The following ZCCHC7 variants were observed in gnomAD, a reference collection of about 807,000 sequenced individuals.
ZCCHC7 encodes zinc finger CCHC domain-containing protein 7.
ZCCHC7 carries 35 observed loss-of-function variants against 52.0 expected under a neutral mutation model. The ratio of observed to expected loss-of-function variants is 0.67; its 90% confidence interval spans 0.51 to 0.89. The LOEUF is 0.89. Among genes scored for constraint, ZCCHC7 ranks in the 40% least tolerant of loss-of-function variants. ZCCHC7 has a pLI of 0.00. For missense variants in ZCCHC7, 574 were observed against 649.1 expected (o/e 0.88, Z 1.26); for synonymous variants, 217 against 221.5 (o/e 0.98, Z 0.18).
chr9:37,167,861 T>C (rs1198062227), intron 2 of ZCCHC7, among the ~76,000 whole-genome samples: 2 of 152,220 alleles, frequency 1.3e-5, no homozygotes, highest in African/African-American at 4.8e-5. Context: ...AAATAGACAC[T>C]ATTCCCATCC....
chr9:37,241,413 T>C (rs1199028433), intron 2 of ZCCHC7, among the ~76,000 whole-genome samples: 1 of 151,854 alleles, frequency 6.6e-6, no homozygotes, highest in Non-Finnish European at 1.5e-5. Flanking sequence ...CAAAGCACGA[T>C]TGGAAATGAG....
chr9:37,281,839 C>G (rs1827971938), intron 2 of ZCCHC7, among the ~76,000 whole-genome samples: 1 of 152,210 alleles, frequency 6.6e-6, no homozygotes, highest in African/African-American at 2.4e-5. Context: ...TTTGAGAACT[C>G]TATCATAAAA....
At chr9:37,297,831 C>G (rs1828856341) in intron 2 of ZCCHC7, among the ~76,000 whole-genome samples, 1 of 152,220 alleles carries the variant, frequency 6.6e-6, no homozygotes, top group Non-Finnish European at 1.5e-5. Flanking sequence ...TCTGTAGCTA[C>G]TCTCTTAGTA....
chr9:37,275,340 CT>C (rs1827633373), intron 2 of ZCCHC7, among the ~76,000 whole-genome samples: 1 of 106,812 alleles, frequency 9.4e-6, no homozygotes, highest in South Asian at 2.7e-4. Context: ...TTTTTTTGAG[CT>C]TTATATTCAT....
rs1564278178 is a variant in ZCCHC7, at chr9:37,357,489, TCTC to T, written c.*224_*226del. The stretch of plus-strand genomic sequence containing the variant: ...GAAAGTACAAAGATAAACCTGGACT[TCTC>T]CTATTCCAATATGTCATCTTTACTC... On this transcript the variant is annotated 3_prime_UTR_variant, in exon 9 of 9. Coordinates refer to ENST00000336755, the MANE Select transcript of ZCCHC7 (RefSeq NM_032226.3). 1.2e-5 allele frequency: 4 copies of T among 344,722 alleles called. No individual in the cohort carries two copies. The highest frequency in any genetic ancestry group is 9.0e-5 in the Admixed American group (2 of 22,318). The allele number at this position is 344,722 out of a possible 1,614,324, so 21.4% of individuals were successfully genotyped here.
chr9:37,228,484 G>A (rs1277353866), intron 2 of ZCCHC7, among the ~76,000 whole-genome samples: 1 of 151,902 alleles, frequency 6.6e-6, no homozygotes, highest in Non-Finnish European at 1.5e-5. Context: ...CTAGGCTCAA[G>A]TAGTTCTCCC....
chr9:37,172,329 T>C (rs935847889), intron 2 of ZCCHC7, among the ~76,000 whole-genome samples: 10 of 152,246 alleles, frequency 6.6e-5, no homozygotes, highest in Non-Finnish European at 1.5e-4. Context: ...TTAGCATCTT[T>C]TATACCTTCA....
intron 2 of ZCCHC7, among the ~76,000 whole-genome samples, chr9:37,301,258 A>T (rs1829018586): frequency 6.6e-6 from 1 of 152,230 alleles, no homozygotes; most frequent in Non-Finnish European, 1.5e-5. Flanking sequence ...CACTTGAAGG[A>T]GCACTCAATA....
chr9:37,272,491 T>TAAAAA (rs551495038), intron 2 of ZCCHC7, among the ~76,000 whole-genome samples: 21 of 97,800 alleles, frequency 2.1e-4, no homozygotes, highest in East Asian at 1.4e-3. Flanking sequence ...AGCTGTGTGG[T>TAAAAA]AAAAAAAAAA....
chr9:37,265,437 T>C (rs2133467004), intron 2 of ZCCHC7, among the ~76,000 whole-genome samples: 1 of 152,286 alleles, frequency 6.6e-6, no homozygotes, highest in Non-Finnish European at 1.5e-5. Context: ...CCATCCCCAA[T>C]CCAGTTCAAC....
Position 37,353,609 on chromosome 9 carries a change from A to G in ZCCHC7, c.1084-1101A>G, listed in dbSNP as rs766325922. Among the ~76,000 whole-genome samples, 45 of 152,324 alleles carry G rather than the reference A, an allele frequency of 3.0e-4. No individual in the cohort carries two copies. In the East Asian group the frequency reaches 4.6e-3, roughly 16 times the overall value. ...AGTAATACTTTATTCTTGGGGGAAA[A>G]ACAGGCAACTAAGGTAAAATGTTAT... On this transcript the variant is annotated intron_variant, in intron 7 of 8. Coordinates refer to ENST00000336755, the MANE Select transcript of ZCCHC7 (RefSeq NM_032226.3).
At chr9:37,228,550 G>A (rs1825234917) in intron 2 of ZCCHC7, among the ~76,000 whole-genome samples, 2 of 151,580 alleles carry the variant, frequency 1.3e-5, no homozygotes, top group African/African-American at 4.8e-5. Flanking sequence ...TTTTATTCTT[G>A]TTTTTATCTG....
chr9:37,309,852 G>A (rs531363318), intron 5 of ZCCHC7, among the ~76,000 whole-genome samples: 3 of 151,248 alleles, frequency 2.0e-5, no homozygotes, highest in South Asian at 2.1e-4. Context: ...AACCCAGGAC[G>A]CAGAGGTTTC....
At chr9:37,251,281 T>C (rs1354702317) in intron 2 of ZCCHC7, among the ~76,000 whole-genome samples, 1 of 152,180 alleles carries the variant, frequency 6.6e-6, no homozygotes, top group East Asian at 1.9e-4. Context: ...AGAAAACAAA[T>C]ATCTGGCTTT....
chr9:37,257,347 G>A (rs977122290), intron 2 of ZCCHC7, among the ~76,000 whole-genome samples: 5 of 152,298 alleles, frequency 3.3e-5, no homozygotes, highest in South Asian at 4.1e-4. Flanking sequence ...TCTTGCATCT[G>A]CTCCTTCAAA....
chr9:37,131,083 G>C (rs1842759224), intron 2 of ZCCHC7, among the ~76,000 whole-genome samples: 2 of 151,958 alleles, frequency 1.3e-5, no homozygotes, highest in Admixed American at 1.3e-4. Flanking sequence ...GCTCACGCCT[G>C]TAATCCCAGC....
intron 5 of ZCCHC7, 189 bp from the exon 6 acceptor site, chr9:37,327,610 T>G (rs997653993): frequency 1.5e-5 from 7 of 471,894 alleles, no homozygotes; most frequent in East Asian, 3.2e-5. Flanking sequence ...TGGCGGGGAG[T>G]GTGTTAAACC....
At chr9:37,142,826 A>G (rs980122158) in intron 2 of ZCCHC7, among the ~76,000 whole-genome samples, 3 of 151,832 alleles carry the variant, frequency 2.0e-5, no homozygotes, top group African/African-American at 7.2e-5. Context: ...TATTTCTAGT[A>G]TTCAGCACAT....
intron 2 of ZCCHC7, among the ~76,000 whole-genome samples, chr9:37,139,211 T>C (rs994548516): frequency 1.7e-4 from 26 of 152,042 alleles, no homozygotes; most frequent in Non-Finnish European, 2.9e-5. Context: ...TTATTATTTA[T>C]CTTTGTTTTG....
Sources: allele counts gnomAD v4.1 joint callset (sites outside exome capture counted in the v4.1 genomes callset), GRCh38; gene constraint gnomAD v4.1.1; transcripts MANE v1.5; gene names NCBI Gene and HGNC (gene_info 2026-07-23, HGNC 2026-07-21).